ADAMTS13: variants seen among roughly 807,000 people sequenced by gnomAD.
ADAMTS13 encodes the protein A disintegrin and metalloproteinase with thrombospondin motifs 13.
Under a neutral mutation model 155.1 loss-of-function variants are expected in ADAMTS13, and 110 were observed. The ratio of observed to expected loss-of-function variants is 0.71; its 90% CI spans 0.61 to 0.83. The LOEUF is 0.83. ADAMTS13 is among the 40% of genes least tolerant of loss of function. The pLI is 0.00. For missense variants in ADAMTS13, 1,707 were observed against 1,891.7 expected, an observed-to-expected ratio of 0.90 and a Z score of 1.81; for synonymous variants, 758 against 756.4, an observed-to-expected ratio of 1.00 and a Z score of -0.03.
rs781839910 is a variant in ADAMTS13, at chr9:133,426,195, C to T, written c.540-4C>T. Reference sequence around the variant, plus strand: ...CACCCAAGTGACTGTTTTCTCTCACCGAGGTTTGACCTGGAGTTGCCTGAT... The same window carrying T: ...CACCCAAGTGACTGTTTTCTCTCACTGAGGTTTGACCTGGAGTTGCCTGAT... On this transcript the variant is annotated splice_region_variant and splice_polypyrimidine_tract_variant and intron_variant, in intron 5 of 28. Coordinates refer to ENST00000355699, the MANE Select transcript of ADAMTS13 (RefSeq NM_139027.6). 2.5e-5 allele frequency: 40 copies of T among 1,613,872 alleles called. No homozygotes were observed. Among genetic ancestry groups the T allele is most frequent in the African/African-American group, 8.0e-5 (6 of 74,954 alleles).
rs1055331538 is a variant in ADAMTS13 at position 133,425,395 on chromosome 9, C to T, written c.331-134C>T. On this transcript the variant is annotated intron_variant, in intron 3 of 28. Coordinates refer to ENST00000355699, the MANE Select transcript of ADAMTS13 (RefSeq NM_139027.6). This position sits in a 1 kb window ranked among gnomAD's most constrained non-coding sequence, Gnocchi z 4.6. ...AGCACATTTTAGGAGCCCCCCGCCC[C>T]GCCCGGTTCCCACACATGCTGGTGG... is the stretch of plus-strand genomic sequence containing the variant. The T allele has an allele frequency of 2.8e-5, 20 of 717,586 alleles. No individual in the cohort carries two copies. The highest frequency in any genetic ancestry group is 8.8e-5 in the African/African-American group (5 of 56,766). 44.5% of individuals were successfully genotyped at this position (717,586 alleles called of 1,614,324 possible). A position where few individuals can be genotyped will look rare whatever the true frequency, so the allele number is the denominator to read the frequency against.
At chr9:133,438,640 C>T (rs782698559) in intron 14 of ADAMTS13, among the ~76,000 whole-genome samples, 15 of 152,220 alleles carry the variant, frequency 9.9e-5, no homozygotes, top group East Asian at 9.6e-4. Flanking sequence ...ATTGGCCGGG[C>T]GCTGTGCTCA....
At chr9:133,450,054 T>G (rs1554793965) in intron 23 of ADAMTS13, 89 bp downstream of exon 23, 1 of 1,472,602 alleles carries the variant, frequency 6.8e-7, no homozygotes, top group African/African-American at 1.4e-5. Context: ...TCGCAGCTAC[T>G]TGGAAAGCTG....
chr9:133,430,113 G>A lies in ADAMTS13; in HGVS notation c.987+12G>A, dbSNP rs1554786821. 3 of 1,570,898 alleles carry A rather than the reference G, an allele frequency of 1.9e-6. No individual in the cohort carries two copies. The highest frequency in any genetic ancestry group is 1.7e-6 in the Non-Finnish European group (2 of 1,163,372). Reference sequence around the variant, plus strand: ...CCAGGGAGCACCTGGTGAGTCTGCCGGCGGTGGCCTGGGATTGGCTGTGAG... The same window carrying A: ...CCAGGGAGCACCTGGTGAGTCTGCCAGCGGTGGCCTGGGATTGGCTGTGAG... On this transcript the variant is annotated intron_variant, in intron 8 of 28. Coordinates refer to ENST00000355699, the MANE Select transcript of ADAMTS13 (RefSeq NM_139027.6).
Position 133,440,210 on chromosome 9 carries a change from G to A in ADAMTS13, c.1787-134G>A. The A allele has an allele frequency of 9.1e-7, 1 of 1,104,294 alleles. No homozygotes were observed. The allele number at this position is 1,104,294 out of a possible 1,614,324, so 68.4% of individuals were successfully genotyped here. ...AGAGGCCTAGAGCCTCCGCTGTGGG[G>A]AAGCCTCTAGCTCAGATGCCTGTGG... is the stretch of plus-strand genomic sequence containing the variant. On this transcript the variant is annotated intron_variant, in intron 15 of 28. Transcript: ENST00000355699. The surrounding 1 kb of genome is among the most constrained non-coding windows in gnomAD (Gnocchi z 4.3).
intron 9 of ADAMTS13, 50 bp from the exon 10 acceptor site, chr9:133,433,328 T>G (rs1554788019): frequency 6.2e-7 from 1 of 1,609,286 alleles, no homozygotes; most frequent in South Asian, 1.1e-5. Flanking sequence ...TTGGGAGTCC[T>G]GTGGTGGGGT....
chr9:133,430,128 T>C (rs1554786837), intron 8 of ADAMTS13, 27 bp downstream of exon 8: 2 of 1,561,644 alleles, frequency 1.3e-6, no homozygotes, highest in Admixed American at 3.6e-5. Flanking sequence ...TGGCCTGGGA[T>C]TGGCTGTGAG....
intron 8 of ADAMTS13, among the ~76,000 whole-genome samples, chr9:133,430,501 G>A (rs72779205): frequency 0.17 from 25,790 of 152,046 alleles, 2,731 homozygotes; most frequent in African/African-American, 0.3. Context: ...GGTAGGGGGA[G>A]GGGAGATGAA....
chr9:133,418,291 G>C (rs941281734), upstream of ADAMTS13, among the ~76,000 whole-genome samples: 2 of 152,238 alleles, frequency 1.3e-5, no homozygotes, highest in East Asian at 1.9e-4. Flanking sequence ...TGAGCTGGGG[G>C]CACTGGGCGG....
chr9:133,417,867 G>C (rs1554782078), upstream of ADAMTS13: 1 of 1,592,956 alleles, frequency 6.3e-7, no homozygotes, highest in South Asian at 1.1e-5. Flanking sequence ...CAGCGCCTGG[G>C]CCGGCGGCCA....
At chr9:133,454,344 G>A (rs1564442438) in intron 23 of ADAMTS13, 71 bp from the exon 24 acceptor site, 2 of 1,561,458 alleles carry the variant, frequency 1.3e-6, no homozygotes, top group East Asian at 4.5e-5. Flanking sequence ...CGTGGGTGGA[G>A]AGGGGCCTGC....
In ADAMTS13 at chr9:133,440,266, A is replaced by T; in HGVS notation, c.1787-78A>T. The T allele has an allele frequency of 1.3e-6, 2 of 1,563,834 alleles. No homozygotes were observed. Among genetic ancestry groups the T allele is most frequent in the Non-Finnish European group, 8.8e-7 (1 of 1,141,044 alleles). On this transcript the variant is annotated intron_variant, in intron 15 of 28. Coordinates refer to ENST00000355699, the MANE Select transcript of ADAMTS13 (RefSeq NM_139027.6). This position sits in a 1 kb window ranked among gnomAD's most constrained non-coding sequence, Gnocchi z 4.3. ...TAGAGGAGGGCTGGGGACCCCGGGA[A>T]GGAGAGTCACTGACATGTGCCTGTG... is the stretch of plus-strand genomic sequence containing the variant.
intron 21 of ADAMTS13, among the ~76,000 whole-genome samples, chr9:133,447,495 G>A (rs1475622633): frequency 1.3e-5 from 2 of 152,152 alleles, no homozygotes; most frequent in Non-Finnish European, 2.9e-5. Context: ...CTGATCTCCT[G>A]AGCTCAAGCG....
Position 133,433,464 on chromosome 9 carries a change from A to C in ADAMTS13, c.1179A>C (p.Arg393=), listed in dbSNP as rs1564418185. ...GGCGCTGGTCTAGCTGGGGTCCCCG[A>C]AGTCCTTGCTCCCGCTCCTGCGGAG... is the stretch of plus-strand genomic sequence containing the variant. ...VHGRWSSWGP[R]SPCSRSCGGG... Residue 393 remains arginine (R), a synonymous_variant, in exon 10 of 29, where the codon CGA becomes CGC. Coordinates refer to ENST00000355699, the MANE Select transcript of ADAMTS13 (RefSeq NM_139027.6). 6.2e-7 allele frequency: 1 copy of C among 1,613,576 alleles called. No homozygotes were observed. The highest frequency in any genetic ancestry group is 2.2e-5 in the East Asian group (1 of 44,890).
At chr9:133,457,475 TC>T (rs2130954549) in intron 27 of ADAMTS13, among the ~76,000 whole-genome samples, 1 of 152,136 alleles carries the variant, frequency 6.6e-6, no homozygotes, top group Non-Finnish European at 1.5e-5. Flanking sequence ...ACATTGCTTC[TC>T]GCTTCCCGGC....
At chr9:133,452,229 C>T (rs1247214236) in intron 23 of ADAMTS13, among the ~76,000 whole-genome samples, 1 of 151,960 alleles carries the variant, frequency 6.6e-6, no homozygotes, top group Admixed American at 6.6e-5. Context: ...TTTCATGCCT[C>T]AGCTTCCCGA....
At chr9:133,423,028 G>T in intron 1 of ADAMTS13, 73 bp from the exon 2 acceptor site, 1 of 1,348,154 alleles carries the variant, frequency 7.4e-7, no homozygotes. Context: ...CTCCCACCTC[G>T]GTCTCCCCAA....
chr9:133,430,257 C>G lies in ADAMTS13; in HGVS notation c.987+156C>G, dbSNP rs975797629. ...CTTAGTTTAATGCTGTCTGTGCCCT[C>G]TAGAAATTATTTAAAATGTTTGAAC... On this transcript the variant is annotated intron_variant, in intron 8 of 28. Coordinates refer to ENST00000355699, the MANE Select transcript of ADAMTS13 (RefSeq NM_139027.6). 4.2e-6 allele frequency: 4 copies of G among 948,432 alleles called. No individual in the cohort carries two copies. The African/African-American group carries it at 6.5e-5, about 15-fold the overall frequency. 58.8% of individuals were successfully genotyped at this position (948,432 alleles called of 1,614,324 possible).
chr9:133,432,576 C>T lies in ADAMTS13; in HGVS notation c.988-12C>T. 1 of 1,549,660 alleles carries T rather than the reference C, an allele frequency of 6.5e-7. No homozygotes were observed. The highest frequency in any genetic ancestry group is 8.7e-7 in the Non-Finnish European group (1 of 1,146,836). On this transcript the variant is annotated splice_polypyrimidine_tract_variant and intron_variant, in intron 8 of 28. Coordinates refer to ENST00000355699, the MANE Select transcript of ADAMTS13 (RefSeq NM_139027.6). ...GCCCCTGAGCTCGCCACCCACCTGT[C>T]CACCCTCCTAGGATATGTGCCAGGC... is the stretch of plus-strand genomic sequence containing the variant.
Sources: allele counts gnomAD v4.1 joint callset (sites outside exome capture counted in the v4.1 genomes callset), GRCh38; gene constraint gnomAD v4.1.1; non-coding constraint Gnocchi (gnomAD v3.1); transcripts MANE v1.5; gene names NCBI Gene and HGNC (gene_info 2026-07-23, HGNC 2026-07-21).